Variants in NCAM2 observed in about 807,000 individuals in gnomAD.
NCAM2 encodes the protein N-CAM-2.
Under a neutral mutation model 98.1 loss-of-function variants are expected in NCAM2, and 30 were observed. The observed-to-expected ratio is 0.31, with a 90% CI of 0.23 to 0.41. NCAM2 has a LOEUF of 0.41. Among genes scored for constraint, NCAM2 ranks in the 10% least tolerant of loss-of-function variants. The pLI, the probability that NCAM2 is intolerant of heterozygous loss-of-function variation, is 1.00. For missense variants in NCAM2, 867 were observed against 1,005.8 expected (o/e 0.86, Z 1.87); for synonymous variants, 368 against 342.4 (o/e 1.07, Z -0.83).
At chr21:21,312,008 T>C (rs1362375473) in intron 5 of NCAM2, among the ~76,000 whole-genome samples, 1 of 152,198 alleles carries the variant, frequency 6.6e-6, no homozygotes, top group Non-Finnish European at 1.5e-5. Context: ...CTATTTTTAC[T>C]TGAGTGCTGT....
At chr21:21,423,585 A>G (rs1053787033) in intron 11 of NCAM2, among the ~76,000 whole-genome samples, 1 of 151,946 alleles carries the variant, frequency 6.6e-6, no homozygotes, top group Non-Finnish European at 1.5e-5. Context: ...GACTTTTGTT[A>G]TTTTTTTCCA....
chr21:21,093,294 T>C (rs1450398473), intron 1 of NCAM2, among the ~76,000 whole-genome samples: 1 of 152,062 alleles, frequency 6.6e-6, no homozygotes, highest in Non-Finnish European at 1.5e-5. Context: ...ACTGTCCCTT[T>C]ATCTTGTCTC....
intron 1 of NCAM2, among the ~76,000 whole-genome samples, chr21:21,076,275 A>G (rs1483811871): frequency 6.6e-6 from 1 of 152,150 alleles, no homozygotes; most frequent in East Asian, 1.9e-4. Context: ...GCACATAATG[A>G]AACTTGGTCC....
At chr21:21,301,315 G>T (rs954481529) in intron 5 of NCAM2, among the ~76,000 whole-genome samples, 2 of 151,796 alleles carry the variant, frequency 1.3e-5, no homozygotes, top group Non-Finnish European at 2.9e-5. Context: ...TGCGAAATTG[G>T]ATGTCTAGAA....
chr21:21,525,353 T>C (rs1272800535), intron 16 of NCAM2, among the ~76,000 whole-genome samples: 2 of 152,090 alleles, frequency 1.3e-5, no homozygotes, highest in African/African-American at 4.8e-5. Flanking sequence ...ATAGACAGCA[T>C]TGTCATTCAA....
intron 1 of NCAM2, among the ~76,000 whole-genome samples, chr21:21,212,504 A>G (rs1348631382): frequency 6.6e-6 from 1 of 152,180 alleles, no homozygotes; most frequent in Non-Finnish European, 1.5e-5. Flanking sequence ...AGACATGGAA[A>G]GATGTACAGA....
At chr21:21,192,175 A>T (rs1006952169) in intron 1 of NCAM2, among the ~76,000 whole-genome samples, 13 of 152,142 alleles carry the variant, frequency 8.5e-5, no homozygotes, top group African/African-American at 2.9e-4. Context: ...GTGAGCCAAG[A>T]TTGCACCATT....
chr21:21,032,530 A>G (rs1054477201), intron 1 of NCAM2, among the ~76,000 whole-genome samples: 1 of 152,216 alleles, frequency 6.6e-6, no homozygotes, highest in East Asian at 1.9e-4. Flanking sequence ...ACTAATGTCA[A>G]CATTACATCA....
intron 1 of NCAM2, among the ~76,000 whole-genome samples, chr21:21,200,681 T>G (rs1420527068): frequency 6.6e-6 from 1 of 151,570 alleles, no homozygotes; most frequent in Non-Finnish European, 1.5e-5. Flanking sequence ...GGAAATTATT[T>G]GACTCAATTA....
chr21:21,053,032 C>G (rs1030295323), intron 1 of NCAM2, among the ~76,000 whole-genome samples: 5 of 151,250 alleles, frequency 3.3e-5, no homozygotes, highest in African/African-American at 1.2e-4. Context: ...ATTTTACTTA[C>G]AGCGGACAAA....
intron 1 of NCAM2, among the ~76,000 whole-genome samples, chr21:21,083,979 C>T (rs115031577): frequency 0.011 from 1,698 of 152,208 alleles, 27 homozygotes; most frequent in African/African-American, 0.039. Context: ...CCTGCCATAA[C>T]AAAAACACCA....
chr21:21,359,612 A>T (rs1164144070), intron 8 of NCAM2, among the ~76,000 whole-genome samples: 1 of 151,990 alleles, frequency 6.6e-6, no homozygotes, highest in Non-Finnish European at 1.5e-5. Flanking sequence ...TTACAATTTT[A>T]TGATAGTTGT....
intron 1 of NCAM2, among the ~76,000 whole-genome samples, chr21:21,208,163 C>A (rs1368674032): frequency 6.6e-6 from 1 of 152,038 alleles, no homozygotes; most frequent in African/African-American, 2.4e-5. Context: ...AAGAATTTTC[C>A]AAGATATATT....
At chr21:21,513,053 C>T (rs1413221143) in intron 16 of NCAM2, among the ~76,000 whole-genome samples, 1 of 151,972 alleles carries the variant, frequency 6.6e-6, no homozygotes, top group Non-Finnish European at 1.5e-5. Context: ...TCCTTCCTTT[C>T]CACTTTGGAT....
At chr21:21,405,118 T>A (rs1206936321) in intron 9 of NCAM2, among the ~76,000 whole-genome samples, 1 of 151,980 alleles carries the variant, frequency 6.6e-6, no homozygotes, top group African/African-American at 2.4e-5. Flanking sequence ...ATACTTACTA[T>A]TTTTAGACTA....
chr21:21,048,038 A>G lies in NCAM2; in HGVS notation c.55+49420A>G, dbSNP rs143134197. Among the ~76,000 whole-genome samples the G allele has an allele frequency of 2.1e-3, 326 of 152,316 alleles. 5 individuals are homozygous for G. The highest frequency in any genetic ancestry group is 0.016 in the Admixed American group (239 of 15,300). ...CTCTTGTGGGAAAAATCCACATTCT[A>G]TAAAGAATCCCCTTTCCCCTTTGTT... On this transcript the variant is annotated intron_variant, in intron 1 of 17. Transcript: ENST00000400546.
rs200985338 is a variant in NCAM2, at chr21:21,381,198, AT to A, written c.1195+7194del. Among the ~76,000 whole-genome samples, 18 of 151,414 alleles carry A rather than the reference AT, an allele frequency of 1.2e-4. No individual in the cohort carries two copies. The South Asian group carries it at 2.5e-3, about 21-fold the overall frequency. On this transcript the variant is annotated intron_variant, in intron 9 of 17. Transcript: ENST00000400546. ...CTGGGCTACATACAGTCTCTGCCAT[AT>A]TTTTTTTTCTCTTGTAAACCATGAA...
chr21:21,395,406 T>G (rs1048199576), intron 9 of NCAM2, among the ~76,000 whole-genome samples: 12 of 152,122 alleles, frequency 7.9e-5, no homozygotes, highest in African/African-American at 2.4e-4. Context: ...TACATTAAAA[T>G]GAAATATATC....
At chr21:21,422,713 G>C (rs2077135792) in intron 11 of NCAM2, among the ~76,000 whole-genome samples, 2 of 152,082 alleles carry the variant, frequency 1.3e-5, no homozygotes, top group African/African-American at 4.8e-5. Flanking sequence ...ATATTAACTA[G>C]AAATATAAGA....
Sources: allele counts gnomAD v4.1 joint callset (sites outside exome capture counted in the v4.1 genomes callset), GRCh38; gene constraint gnomAD v4.1.1; transcripts MANE v1.5; gene names NCBI Gene and HGNC (gene_info 2026-07-23, HGNC 2026-07-21).